AFAP1L2: variants seen among roughly 807,000 people sequenced by gnomAD.
AFAP1L2 encodes actin filament-associated protein 1-like 2.
A neutral mutation model predicts 99.3 loss-of-function variants in AFAP1L2; 46 were observed. The ratio of observed to expected loss-of-function variants is 0.46; its 90% confidence interval spans 0.37 to 0.59. AFAP1L2 has a LOEUF of 0.59. Among genes scored for constraint, AFAP1L2 ranks in the 20% least tolerant of loss-of-function variants. The pLI is 0.00. For missense variants in AFAP1L2, 959 were observed against 1,034.9 expected, an observed-to-expected ratio of 0.93 and a Z score of 1.01; for synonymous variants, 397 against 419.1, an observed-to-expected ratio of 0.95 and a Z score of 0.64.
chr10:114,305,128 G>T, intron 10 of AFAP1L2, 198 bp from the exon 11 acceptor site: 1 of 444,602 alleles, frequency 2.2e-6, no homozygotes, highest in South Asian at 1.9e-5. Flanking sequence ...TGCAGGAGGG[G>T]ACGCAGATGC....
downstream of AFAP1L2, among the ~76,000 whole-genome samples, chr10:114,294,185 C>T (rs2039859624): frequency 2.0e-5 from 3 of 152,098 alleles, no homozygotes; most frequent in African/African-American, 7.2e-5. Flanking sequence ...TTTCATTTGC[C>T]AACATCTTAT....
intron 5 of AFAP1L2, among the ~76,000 whole-genome samples, chr10:114,321,695 C>T (rs1342706739): frequency 5.9e-5 from 9 of 152,330 alleles, no homozygotes; most frequent in South Asian, 2.1e-4. Flanking sequence ...AGGGGAGGAC[C>T]ACAGTCCAGC....
downstream of AFAP1L2, among the ~76,000 whole-genome samples, chr10:114,294,646 T>C (rs1288166665): frequency 6.6e-6 from 1 of 152,222 alleles, no homozygotes; most frequent in African/African-American, 2.4e-5. Context: ...GTCTTTGGTA[T>C]GTTGTTAACT....
rs1180686699 is a variant in AFAP1L2 at position 114,323,247 on chromosome 10, T to C, written c.330A>G (p.Lys110=). 7 of 1,596,618 alleles carry C rather than the reference T, an allele frequency of 4.4e-6. No individual in the cohort carries two copies. In the African/African-American group the frequency reaches 9.4e-5, roughly 21 times the overall value. ...ACTCCGTCTTTGGGATGGCAAGCTG[T>C]TTCCGTTCTGGAATCTGTGGTATGA... ...LPPPKMIPER[K]QLAIPKTESP... Residue 110 remains lysine (K), a synonymous_variant, in exon 5 of 19, where the codon AAA becomes AAG. Coordinates refer to ENST00000304129, the MANE Select transcript of AFAP1L2 (RefSeq NM_001001936.3).
At position 114,307,122 on chromosome 10, in the gene AFAP1L2, A is replaced by T. The variant is rs558782860; in HGVS notation, c.1072+683T>A. On this transcript the variant is annotated intron_variant, in intron 10 of 18. Coordinates refer to ENST00000304129, the MANE Select transcript of AFAP1L2 (RefSeq NM_001001936.3). The stretch of plus-strand genomic sequence containing the variant: ...CCAAGAAAGGCTTGTCGCTCCTCCT[A>T]ACCTCAGTTTCCCTGAGTATGAGCT... Among the ~76,000 whole-genome samples, 22 of 152,284 alleles carry T rather than the reference A, an allele frequency of 1.4e-4. 1 individual carries two copies. In the South Asian group the frequency reaches 4.6e-3, roughly 32 times the overall value.
Position 114,313,892 on chromosome 10 carries a change from G to A in AFAP1L2, c.771C>T (p.Asp257=), listed in dbSNP as rs868753836. 1 of 1,612,474 alleles carries A rather than the reference G, an allele frequency of 6.2e-7. No individual in the cohort carries two copies. The highest frequency in any genetic ancestry group is 8.5e-7 in the Non-Finnish European group (1 of 1,179,288). ...DVIVLGLQSK[D]QAEQWLRVIQ... is the part of the protein sequence containing the mutation. ...TCACCCTGAGCCACTGCTCAGCCTGGTCCTTGCTCTGCAGGCCCAGCACAA... is the reference window on the plus strand; with the variant it reads ...TCACCCTGAGCCACTGCTCAGCCTGATCCTTGCTCTGCAGGCCCAGCACAA... The change falls in exon 7 of 19, where the codon GAC becomes GAT. Residue 257 remains aspartate, a synonymous_variant. Coordinates refer to ENST00000304129, the MANE Select transcript of AFAP1L2 (RefSeq NM_001001936.3).
chr10:114,351,085 C>G (rs2050401798), intron 1 of AFAP1L2, among the ~76,000 whole-genome samples: 1 of 152,176 alleles, frequency 6.6e-6, no homozygotes, highest in Non-Finnish European at 1.5e-5. Context: ...ACCACTTTAG[C>G]CTCAGAACAA....
At position 114,295,892 on chromosome 10, in the gene AFAP1L2, C is replaced by A; in HGVS notation, c.*150G>T. The A allele has an allele frequency of 6.5e-6, 10 of 1,536,528 alleles. No individual in the cohort carries two copies. Among genetic ancestry groups the A allele is most frequent in the Non-Finnish European group, 8.8e-6 (10 of 1,142,850 alleles). ...TTGGCTCTGAAAAGGGACAGAGCCTCCTCTTAGCTGAAGCTCTCCATTCAC... is the reference window on the plus strand; with the variant it reads ...TTGGCTCTGAAAAGGGACAGAGCCTACTCTTAGCTGAAGCTCTCCATTCAC... On this transcript the variant is annotated 3_prime_UTR_variant, in exon 19 of 19. Coordinates refer to ENST00000304129, the MANE Select transcript of AFAP1L2 (RefSeq NM_001001936.3).
intron 2 of AFAP1L2, among the ~76,000 whole-genome samples, chr10:114,337,978 G>A (rs916323293): frequency 3.3e-5 from 5 of 152,132 alleles, no homozygotes; most frequent in East Asian, 3.9e-4. Context: ...CAGCACTCCC[G>A]GCGGCAGGCG....
chr10:114,323,473 G>A (rs1219905911), intron 4 of AFAP1L2, among the ~76,000 whole-genome samples: 2 of 152,142 alleles, frequency 1.3e-5, no homozygotes, highest in East Asian at 1.9e-4. Flanking sequence ...CTGTGGGCAC[G>A]TTGTTTAACC....
chr10:114,389,781 A>G (rs74157599), intron 1 of AFAP1L2, among the ~76,000 whole-genome samples: 2,300 of 152,338 alleles, frequency 0.015, 68 homozygotes, highest in African/African-American at 0.052. Flanking sequence ...CTGTTATCAC[A>G]GCTTCATGAG....
chr10:114,287,207 G>T, the AFAP1L2 span, among the ~76,000 whole-genome samples: 3 of 152,146 alleles, frequency 2.0e-5, no homozygotes, highest in Non-Finnish European at 4.4e-5. Context: ...TTGAGACAGG[G>T]TCTTGCTCTG....
chr10:114,323,644 A>G (rs552934557), intron 4 of AFAP1L2, among the ~76,000 whole-genome samples: 359 of 152,338 alleles, frequency 2.4e-3, no homozygotes, highest in Admixed American at 4.8e-3. Context: ...ATATTTTCTA[A>G]AAAGACAAGT....
intron 10 of AFAP1L2, among the ~76,000 whole-genome samples, chr10:114,305,806 G>A: frequency 7.2e-6 from 1 of 139,512 alleles, no homozygotes; most frequent in Admixed American, 7.0e-5. Context: ...AGGAGGCGTC[G>A]GGGCTGCAGG....
the AFAP1L2 span, among the ~76,000 whole-genome samples, chr10:114,287,185 CTTT>C: frequency 6.6e-6 from 1 of 152,042 alleles, no homozygotes; most frequent in Non-Finnish European, 1.5e-5. Context: ...TGAAACACGT[CTTT>C]TTTTTCTTTT....
chr10:114,330,072 C>G (rs1034396518), intron 4 of AFAP1L2, among the ~76,000 whole-genome samples: 1 of 152,128 alleles, frequency 6.6e-6, no homozygotes, highest in Non-Finnish European at 1.5e-5. Context: ...CCTCACTCAG[C>G]CTGAGATGAG....
downstream of AFAP1L2, chr10:114,289,939 C>A: frequency 3.2e-6 from 1 of 316,388 alleles, no homozygotes; most frequent in Non-Finnish European, 5.9e-6. Context: ...TTGTGGTGAG[C>A]CAAGATCGCG....
In AFAP1L2 at chr10:114,297,074, G is replaced by A. The variant is rs373180464; in HGVS notation, c.2334C>T (p.Ala778=). Residue 778 remains alanine, a synonymous_variant, in exon 18 of 19, where the codon GCC becomes GCT. Transcript: ENST00000304129. ...CAGAGTTGACTGGGGTACAGTCTGG[G>A]GCAGAGGCAGGTGTGACAGCTTTGG... ...PRPKAVTPAS[A]PDCTPVNSAT... is the part of the protein sequence containing the mutation. 12 of 1,614,074 alleles carry A rather than the reference G, an allele frequency of 7.4e-6. No homozygotes were observed. The African/African-American group carries it at 1.5e-4, about 20-fold the overall frequency.
chr10:114,296,207 G>C, intron 18 of AFAP1L2, 139 bp from the exon 19 acceptor site: 1 of 1,209,726 alleles, frequency 8.3e-7, no homozygotes, highest in Non-Finnish European at 1.2e-6. Context: ...TTCAAACCCT[G>C]TGTGTTCATC....
Sources: allele counts gnomAD v4.1 joint callset (sites outside exome capture counted in the v4.1 genomes callset), GRCh38; gene constraint gnomAD v4.1.1; transcripts MANE v1.5; gene names NCBI Gene and HGNC (gene_info 2026-07-23, HGNC 2026-07-21).